KHNYN: variants seen among roughly 807,000 people sequenced by gnomAD.
The protein encoded by KHNYN is protein KHNYN.
KHNYN carries 42 observed loss-of-function variants against 62.7 expected under a neutral mutation model. The observed-to-expected ratio is 0.67, with a 90% CI of 0.52 to 0.87. The LOEUF is 0.87. KHNYN is among the 40% of genes least tolerant of loss of function. KHNYN has a pLI of 0.00. For missense variants in KHNYN, 829 were observed against 874.1 expected, an observed-to-expected ratio of 0.95 and a Z score of 0.65; for synonymous variants, 347 against 345.6, an observed-to-expected ratio of 1.00 and a Z score of -0.04.
chr14:24,429,971 G>C lies in KHNYN; in HGVS notation c.-166G>C, dbSNP rs1016448933. On this transcript the variant is annotated 5_prime_UTR_variant, in exon 1 of 8. Coordinates refer to ENST00000553935, the MANE Select transcript of KHNYN (RefSeq NM_015299.3). ...CAAGAAACAGTTTGCGTGCGATGTG[G>C]ACAAGAGAGGTCCCCGCTGGGTGAG... 3 of 989,344 alleles carry C rather than the reference G, an allele frequency of 3.0e-6. No homozygotes were observed. Among genetic ancestry groups the C allele is most frequent in the Non-Finnish European group, 2.4e-6 (2 of 831,972 alleles). The allele number at this position is 989,344 out of a possible 1,614,324, so 61.3% of individuals were successfully genotyped here. A position where few individuals can be genotyped will look rare whatever the true frequency, so the allele number is the denominator to read the frequency against.
chr14:24,428,424 G>A (rs1450723010), upstream of KHNYN: 1 of 1,613,084 alleles, frequency 6.2e-7, no homozygotes, highest in South Asian at 1.1e-5. Context: ...AGCAGAGCCT[G>A]CTGAGTGGGG....
At chr14:24,434,835 G>C (rs1415568389) in intron 5 of KHNYN, among the ~76,000 whole-genome samples, 3 of 152,174 alleles carry the variant, frequency 2.0e-5, no homozygotes, top group Non-Finnish European at 2.9e-5. Flanking sequence ...TGCTCACTTA[G>C]TACTAGGTGC....
chr14:24,432,485 C>T lies in KHNYN; in HGVS notation c.1224C>T (p.Asn408=). 3 of 1,613,790 alleles carry T rather than the reference C, an allele frequency of 1.9e-6. No homozygotes were observed. The highest frequency in any genetic ancestry group is 2.5e-6 in the Non-Finnish European group (3 of 1,179,992). ...PQWKRGARGG[N]LVTGTQRFKE... ...GGAAACGAGGCGCCCGAGGGGGCAACTTGGTGACTGGCACACAGCGTTTCA... is the reference window on the plus strand; with the variant it reads ...GGAAACGAGGCGCCCGAGGGGGCAATTTGGTGACTGGCACACAGCGTTTCA... Residue 408 remains asparagine (N), a synonymous_variant, in exon 3 of 8, where the codon AAC becomes AAT. Transcript: ENST00000553935. This position sits in a 1 kb window ranked among gnomAD's most constrained non-coding sequence, Gnocchi z 5.6.
intron 5 of KHNYN, chr14:24,434,203 G>A (rs1343315236): frequency 2.0e-6 from 2 of 985,318 alleles, no homozygotes; most frequent in African/African-American, 3.5e-5. Context: ...AAAGGCATGT[G>A]TCTGCCCAGT....
Position 24,436,119 on chromosome 14 carries a change from A to T in KHNYN, c.1625A>T (p.Asn542Ile). The T allele has an allele frequency of 6.2e-7, 1 of 1,614,182 alleles. No individual in the cohort carries two copies. Among genetic ancestry groups the T allele is most frequent in the Non-Finnish European group, 8.5e-7 (1 of 1,180,032 alleles). The stretch of plus-strand genomic sequence containing the variant: ...GAGACAGATGGGATAATTGTCTCCA[A>T]TGACCAGTTCCGGGACCTGGCGGAG... ...AEETDGIIVS[N>I]DQFRDLAEES... is the part of the protein sequence containing the mutation. The change falls in exon 6 of 8, where the codon AAT (asparagine) becomes ATT (isoleucine). Residue 542 changes from asparagine (N) to isoleucine (I), a missense_variant. Asn to Ile is a moderately radical substitution (Grantham distance 149, BLOSUM62 -3). This residue lies in a region of KHNYN where 270 missense variants were observed against 347.1 expected (regional missense o/e 0.78). Transcript: ENST00000553935.
In KHNYN at chr14:24,439,352, C is replaced by T. The variant is rs2043257100; in HGVS notation, c.*2067C>T. 1 of 152,188 alleles carries T rather than the reference C, an allele frequency of 6.6e-6. No homozygotes were observed. Among genetic ancestry groups the T allele is most frequent in the Admixed American group, 6.5e-5 (1 of 15,284 alleles). The allele number at this position is 152,188 out of a possible 1,614,324, so 9.4% of individuals were successfully genotyped here. A position where few individuals can be genotyped will look rare whatever the true frequency, so the allele number is the denominator to read the frequency against. On this transcript the variant is annotated 3_prime_UTR_variant, in exon 8 of 8. Transcript: ENST00000553935. The stretch of plus-strand genomic sequence containing the variant: ...AGTCAGATGAGAGGCAAGTCCTAAG[C>T]TTCTTATAGACAGGGATGTTGACTT...
rs754566376 is a variant in KHNYN at position 24,432,627 on chromosome 14, G to A, written c.1349+17G>A. On this transcript the variant is annotated intron_variant, in intron 3 of 7. Coordinates refer to ENST00000553935, the MANE Select transcript of KHNYN (RefSeq NM_015299.3). This position sits in a 1 kb window ranked among gnomAD's most constrained non-coding sequence, Gnocchi z 5.6. ...GGCCATGGTGTGAGTACCTGGTGGG[G>A]CTAAGGGCCTAGGAGAGGGAGGATA... is the stretch of plus-strand genomic sequence containing the variant. 5.0e-6 allele frequency: 8 copies of A among 1,608,692 alleles called. No homozygotes were observed. The highest frequency in any genetic ancestry group is 6.8e-6 in the Non-Finnish European group (8 of 1,176,318).
chr14:24,424,638 C>T (rs986565276), upstream of KHNYN, among the ~76,000 whole-genome samples: 2 of 152,148 alleles, frequency 1.3e-5, no homozygotes, highest in Non-Finnish European at 2.9e-5. Flanking sequence ...ACACTGAAGT[C>T]AGAGAGATGT....
rs1389001154 is a variant in KHNYN at position 24,429,986 on chromosome 14, C to T, written c.-151C>T. On this transcript the variant is annotated 5_prime_UTR_variant, in exon 1 of 8. Transcript: ENST00000553935. ...GTGCGATGTGGACAAGAGAGGTCCC[C>T]GCTGGGTGAGGAACCCGGGAAGGCC... 5 of 987,150 alleles carry T rather than the reference C, an allele frequency of 5.1e-6. No homozygotes were observed. The Admixed American group carries it at 2.4e-4, about 48-fold the overall frequency. 61.1% of individuals were successfully genotyped at this position (987,150 alleles called of 1,614,324 possible).
upstream of KHNYN, chr14:24,428,698 G>A: frequency 6.6e-7 from 1 of 1,509,406 alleles, no homozygotes; most frequent in Non-Finnish European, 8.9e-7. Flanking sequence ...TTGGACAGTT[G>A]CTTCCAGGTC....
rs766428827 is a variant in KHNYN, at chr14:24,432,390, G to A, written c.1129G>A (p.Gly377Arg). Reference protein sequence around the residue: ...PWHCGDRGDCGDRGDVGDRGD... With the variant: ...PWHCGDRGDCRDRGDVGDRGD... ...GCACTGTGGAGACCGGGGTGACTGC[G>A]GAGACCGGGGAGACGTGGGGGACAG... The change falls in exon 3 of 8, where the codon GGA becomes AGA. Residue 377 changes from glycine to arginine, a missense_variant. Physicochemically the swap from Gly to Arg is moderately radical, Grantham distance 125. Coordinates refer to ENST00000553935, the MANE Select transcript of KHNYN (RefSeq NM_015299.3). This position sits in a 1 kb window ranked among gnomAD's most constrained non-coding sequence, Gnocchi z 5.6. 41 of 1,613,674 alleles carry A rather than the reference G, an allele frequency of 2.5e-5. No homozygotes were observed. The highest frequency in any genetic ancestry group is 1.6e-4 in the Middle Eastern group (1 of 6,084).
At chr14:24,430,576 C>T in intron 1 of KHNYN, 138 bp from the exon 2 acceptor site, 1 of 1,439,086 alleles carries the variant, frequency 6.9e-7, no homozygotes, top group Non-Finnish European at 9.1e-7. Flanking sequence ...CTCCAGTGGA[C>T]TCAGATGCTT....
chr14:24,429,011 C>T, upstream of KHNYN: 1 of 1,545,912 alleles, frequency 6.5e-7, no homozygotes. Context: ...CAGCCCGGGA[C>T]TGTGTAGGGG....
In KHNYN at chr14:24,440,910, A is replaced by G; in HGVS notation, c.*3625A>G. On this transcript the variant is annotated 3_prime_UTR_variant, in exon 8 of 8. Coordinates refer to ENST00000553935, the MANE Select transcript of KHNYN (RefSeq NM_015299.3). ...TGTCTTCATCATACTCCGCAGTCAG[A>G]CTGGGCTGGTAGTAAGCTGCCGGTG... The G allele has an allele frequency of 6.2e-7, 1 of 1,614,032 alleles. No homozygotes were observed. Among genetic ancestry groups the G allele is most frequent in the Non-Finnish European group, 8.5e-7 (1 of 1,179,900 alleles).
chr14:24,429,647 A>G (rs143651223), upstream of KHNYN: 919 of 1,128,094 alleles, frequency 8.1e-4, 10 homozygotes, highest in African/African-American at 0.014. Flanking sequence ...GCTTGGGCCT[A>G]GAGCACCAGT....
At chr14:24,429,869 G>A, upstream of KHNYN, 1 of 1,013,722 alleles carries the variant, frequency 9.9e-7, no homozygotes, top group Non-Finnish European at 1.2e-6. Context: ...GGGCCTCTGG[G>A]CGCGGCGGCG....
the KHNYN span, among the ~76,000 whole-genome samples, chr14:24,423,726 C>G: frequency 2.6e-5 from 4 of 152,202 alleles, no homozygotes; most frequent in African/African-American, 9.6e-5. Flanking sequence ...GGCTGGAGGC[C>G]ATGGATTTAG....
chr14:24,441,108 A>C lies in KHNYN; in HGVS notation c.*3823A>C. On this transcript the variant is annotated 3_prime_UTR_variant, in exon 8 of 8. Transcript: ENST00000553935. The stretch of plus-strand genomic sequence containing the variant: ...CCTGAAGCGTTCCTTCCCTGGAGGA[A>C]CTCTGGTTGCAGGGCTAAACTTAGA... 1 of 627,756 alleles carries C rather than the reference A, an allele frequency of 1.6e-6. No homozygotes were observed. The highest frequency in any genetic ancestry group is 2.8e-6 in the Non-Finnish European group (1 of 357,372). 38.9% of individuals were successfully genotyped at this position (627,756 alleles called of 1,614,324 possible).
At chr14:24,434,140 C>T in intron 5 of KHNYN, 1 of 984,584 alleles carries the variant, frequency 1.0e-6, no homozygotes, top group Non-Finnish European at 1.2e-6. Flanking sequence ...TCTTTCCACA[C>T]CTGCATTGAA....
Sources: allele counts gnomAD v4.1 joint callset (sites outside exome capture counted in the v4.1 genomes callset), GRCh38; gene constraint gnomAD v4.1.1; regional missense constraint gnomAD v4.1.1; non-coding constraint Gnocchi (gnomAD v3.1); transcripts MANE v1.5; gene names NCBI Gene and HGNC (gene_info 2026-07-23, HGNC 2026-07-21).